Variants in LIPC observed in about 807,000 individuals in gnomAD.
LIPC encodes lipase C, hepatic type.
LIPC carries 44 observed loss-of-function variants against 50.7 expected under a neutral mutation model. The ratio of observed to expected loss-of-function variants is 0.87; its 90% CI spans 0.68 to 1.11. The LOEUF is 1.11. Among genes scored for constraint, LIPC ranks in the 50% most tolerant of loss-of-function variants. The pLI, the probability that LIPC is intolerant of heterozygous loss-of-function variation, is 0.00. For synonymous variants in LIPC, 271 were observed against 256.4 expected, an observed-to-expected ratio of 1.06 and a Z score of -0.54; for missense variants, 697 against 648.2, an observed-to-expected ratio of 1.08 and a Z score of -0.82.
chr15:58,448,882 G>T (rs1196660274), intron 1 of LIPC, among the ~76,000 whole-genome samples: 1 of 152,214 alleles, frequency 6.6e-6, no homozygotes, highest in Non-Finnish European at 1.5e-5. Flanking sequence ...GAGAGTGGGG[G>T]CCAGTAATCT....
rs1303650920 is a variant in LIPC, at chr15:58,545,867, A to G, written c.700A>G (p.Ile234Val). ...GGAGCACATGGGCCTGAGCGTGGGCATCAAACAGCCCATAGGACACTATGA... is the reference window on the plus strand; with the variant it reads ...GGAGCACATGGGCCTGAGCGTGGGCGTCAAACAGCCCATAGGACACTATGA... ...TREHMGLSVG[I>V]KQPIGHYDFY... is the part of the protein sequence containing the mutation. Residue 234 changes from isoleucine (I) to valine (V), a missense_variant, in exon 5 of 9, where the codon ATC (isoleucine) becomes GTC (valine). By Grantham distance (29) the Ile-to-Val change is conservative. Transcript: ENST00000299022. 8.7e-6 allele frequency: 14 copies of G among 1,614,064 alleles called. No individual in the cohort carries two copies. Among genetic ancestry groups the G allele is most frequent in the Non-Finnish European group, 1.2e-5 (14 of 1,180,030 alleles).
rs1278190533 is a variant in LIPC at position 58,506,796 on chromosome 15, C to T, written c.89-31537C>T. Among the ~76,000 whole-genome samples the T allele has an allele frequency of 2.0e-5, 3 of 152,282 alleles. No homozygotes were observed. In the East Asian group the frequency reaches 5.8e-4, roughly 29 times the overall value. On this transcript the variant is annotated intron_variant, in intron 1 of 8. Coordinates refer to ENST00000299022, the MANE Select transcript of LIPC (RefSeq NM_000236.3). The stretch of plus-strand genomic sequence containing the variant: ...CTACAGGTGTGGGGGTGTGTTAGTC[C>T]ATTCTCACACTGCTAATAAAGACAT...
intron 1 of LIPC, among the ~76,000 whole-genome samples, chr15:58,485,705 G>T (rs1373103207): frequency 2.0e-5 from 3 of 152,230 alleles, no homozygotes; most frequent in Non-Finnish European, 4.4e-5. Context: ...GAGAATCAGA[G>T]AAGTTCCAAA....
rs1412091798 is a variant in LIPC at position 58,548,201 on chromosome 15, G to A, written c.809-129G>A. 3 of 1,239,914 alleles carry A rather than the reference G, an allele frequency of 2.4e-6. No individual in the cohort carries two copies. The Admixed American group carries it at 5.1e-5, about 21-fold the overall frequency. The allele number at this position is 1,239,914 out of a possible 1,614,324, so 76.8% of individuals were successfully genotyped here. A position where few individuals can be genotyped will look rare whatever the true frequency, so the allele number is the denominator to read the frequency against. Reference sequence around the variant, plus strand: ...CTGCTCTTGTCAAGGGGTCTGCCTTGACAAGCCCACCCTTGCCTGTTCTGT... The same window carrying A: ...CTGCTCTTGTCAAGGGGTCTGCCTTAACAAGCCCACCCTTGCCTGTTCTGT... On this transcript the variant is annotated intron_variant, in intron 5 of 8. Coordinates refer to ENST00000299022, the MANE Select transcript of LIPC (RefSeq NM_000236.3).
At chr15:58,452,556 G>A (rs562038543) in intron 1 of LIPC, among the ~76,000 whole-genome samples, 1 of 152,300 alleles carries the variant, frequency 6.6e-6, no homozygotes, top group South Asian at 2.1e-4. Context: ...TGGTCAGTTC[G>A]ATTATTAAGT....
At chr15:58,503,608 C>T (rs1892057077) in intron 1 of LIPC, among the ~76,000 whole-genome samples, 1 of 152,230 alleles carries the variant, frequency 6.6e-6, no homozygotes, top group South Asian at 2.1e-4. Context: ...ATCAACCTTC[C>T]AATTCACCAA....
chr15:58,517,529 G>A (rs1239066548), intron 1 of LIPC, among the ~76,000 whole-genome samples: 1 of 152,232 alleles, frequency 6.6e-6, no homozygotes, highest in Non-Finnish European at 1.5e-5. Context: ...TAGACCACAA[G>A]TTTCAGTGTG....
chr15:58,538,812 A>G (rs143706516), intron 2 of LIPC, among the ~76,000 whole-genome samples: 11 of 152,322 alleles, frequency 7.2e-5, no homozygotes, highest in African/African-American at 2.6e-4. Flanking sequence ...TCCGTGCAGG[A>G]AGAAGCCTCC....
At chr15:58,459,487 A>C (rs935246522) in intron 1 of LIPC, among the ~76,000 whole-genome samples, 4 of 151,952 alleles carry the variant, frequency 2.6e-5, no homozygotes, top group Non-Finnish European at 4.4e-5. Context: ...AGTCTCAGGC[A>C]TGGTCCAGAT....
intron 1 of LIPC, among the ~76,000 whole-genome samples, chr15:58,496,802 T>C (rs1334756877): frequency 7.0e-6 from 1 of 142,870 alleles, no homozygotes; most frequent in East Asian, 2.1e-4. Flanking sequence ...TGGAGTGCAG[T>C]GGTTCAATCT....
chr15:58,533,506 A>C (rs1893016813), intron 1 of LIPC, among the ~76,000 whole-genome samples: 1 of 152,262 alleles, frequency 6.6e-6, no homozygotes, highest in Non-Finnish European at 1.5e-5. Flanking sequence ...ATATTTATAC[A>C]TAAAGAATAT....
intron 5 of LIPC, among the ~76,000 whole-genome samples, chr15:58,547,983 ATAAT>A (rs1246473100): frequency 6.6e-6 from 1 of 152,202 alleles, no homozygotes; most frequent in Non-Finnish European, 1.5e-5. Flanking sequence ...AAATATTTCT[ATAAT>A]AAATTACACT....
chr15:58,542,437 G>A, intron 3 of LIPC, 97 bp from the exon 4 acceptor site: 1 of 809,028 alleles, frequency 1.2e-6, no homozygotes, highest in South Asian at 1.3e-5. Flanking sequence ...TTCTGAGCAG[G>A]CACGAAGAAC....
At chr15:58,488,960 G>C (rs1480374202) in intron 1 of LIPC, among the ~76,000 whole-genome samples, 1 of 152,156 alleles carries the variant, frequency 6.6e-6, no homozygotes, top group Non-Finnish European at 1.5e-5. Flanking sequence ...AAAGGCAAGT[G>C]GTCCTGATGG....
intron 1 of LIPC, chr15:58,436,936 C>T (rs988368845): frequency 4.4e-6 from 2 of 451,242 alleles, no homozygotes; most frequent in Non-Finnish European, 8.9e-6. Flanking sequence ...GAAAAAATAT[C>T]CCATAGAACG....
intron 1 of LIPC, among the ~76,000 whole-genome samples, chr15:58,486,391 T>G (rs759918617): frequency 3.3e-5 from 5 of 152,198 alleles, no homozygotes; most frequent in Non-Finnish European, 7.4e-5. Flanking sequence ...GTCACCCTAG[T>G]TAGGCATGTG....
intron 1 of LIPC, among the ~76,000 whole-genome samples, chr15:58,478,746 T>C (rs1283206028): frequency 6.6e-6 from 1 of 152,216 alleles, no homozygotes; most frequent in Non-Finnish European, 1.5e-5. Flanking sequence ...TGCACGCTTG[T>C]TTTGTAACAT....
At position 58,545,008 on chromosome 15, in the gene LIPC, G is replaced by C. The variant is rs1566945907; in HGVS notation, c.575-734G>C. On this transcript the variant is annotated intron_variant, in intron 4 of 8. Transcript: ENST00000299022. ...ACATACAGTGAAATGTCCCGCGGCT[G>C]TTCTGGACGTTCTAATGAAATGACA... is the stretch of plus-strand genomic sequence containing the variant. 2.6e-5 allele frequency among the ~76,000 whole-genome samples: 4 copies of C among 152,172 alleles called. No homozygotes were observed. The South Asian group carries it at 8.3e-4, about 32-fold the overall frequency.
rs1890942111 is a variant in LIPC at position 58,474,967 on chromosome 15, ACCAT to A, written c.88+42850_88+42853del. ...CAAAGGAGAGGACACATCTCCAGCT[ACCAT>A]CCCTCCACCTATTTTCTAAGGAAAC... On this transcript the variant is annotated intron_variant, in intron 1 of 8. Coordinates refer to ENST00000299022, the MANE Select transcript of LIPC (RefSeq NM_000236.3). 2.6e-5 allele frequency among the ~76,000 whole-genome samples: 4 copies of A among 152,164 alleles called. No individual in the cohort carries two copies. The South Asian group carries it at 8.3e-4, about 31-fold the overall frequency.
Sources: allele counts gnomAD v4.1 joint callset (sites outside exome capture counted in the v4.1 genomes callset), GRCh38; gene constraint gnomAD v4.1.1; transcripts MANE v1.5; gene names NCBI Gene and HGNC (gene_info 2026-07-23, HGNC 2026-07-21).